ZNF627: variants seen among roughly 807,000 people sequenced by gnomAD.
The protein encoded by ZNF627 is zinc finger protein 627.
Under a neutral mutation model 10.6 loss-of-function variants are expected in ZNF627, and 12 were observed. That is an observed-to-expected ratio of 1.13 (90% CI 0.73 to 1.84). The LOEUF is 1.84. Among genes scored for constraint, ZNF627 ranks in the 40% most tolerant of loss-of-function variants. The probability of loss-of-function intolerance (pLI) is 0.00; values close to 1 mark genes in which losing one functional copy is unlikely to be tolerated. For synonymous variants in ZNF627, 176 were observed against 187.1 expected, an observed-to-expected ratio of 0.94 and a Z score of 0.48; for missense variants, 504 against 568.4, an observed-to-expected ratio of 0.89 and a Z score of 1.15.
In ZNF627 at chr19:11,618,133, A is replaced by G. The variant is rs1012962466; in HGVS notation, c.*244A>G. 4 of 430,890 alleles carry G rather than the reference A, an allele frequency of 9.3e-6. No individual in the cohort carries two copies. Among genetic ancestry groups the G allele is most frequent in the Middle Eastern group, 6.0e-4 (1 of 1,670 alleles). 26.7% of individuals were successfully genotyped at this position (430,890 alleles called of 1,614,324 possible). On this transcript the variant is annotated 3_prime_UTR_variant, in exon 4 of 4. Coordinates refer to ENST00000361113, the MANE Select transcript of ZNF627 (RefSeq NM_145295.4). ...AACTAGATTTCCCAGAATCCATTCCATTTGTGATTCCATGATACAATTCAC... is the reference window on the plus strand; with the variant it reads ...AACTAGATTTCCCAGAATCCATTCCGTTTGTGATTCCATGATACAATTCAC...
rs745918569 is a variant in ZNF627 at position 11,617,078 on chromosome 19, G to T, written c.575G>T (p.Gly192Val). ...AGACACATGTTAACGCATAGGGGAG[G>T]TGTACCTTACAAATGTAAGGTGTGT... Reference protein sequence around the residue: ...IRRHMLTHRGGVPYKCKVCGK... With the variant: ...IRRHMLTHRGVVPYKCKVCGK... Residue 192 changes from glycine (G) to valine (V), a missense_variant, in exon 4 of 4, where the codon GGT becomes GTT. Coordinates refer to ENST00000361113, the MANE Select transcript of ZNF627 (RefSeq NM_145295.4). The T allele has an allele frequency of 6.2e-6, 10 of 1,613,986 alleles. No homozygotes were observed. Among genetic ancestry groups the T allele is most frequent in the Non-Finnish European group, 8.5e-6 (10 of 1,180,030 alleles).
intron 1 of ZNF627, among the ~76,000 whole-genome samples, chr19:11,606,349 GAAA>G (rs1599656882): frequency 6.6e-6 from 1 of 150,830 alleles, no homozygotes; most frequent in East Asian, 2.0e-4. Context: ...AAAAAAAAAA[GAAA>G]GAAAAAAAGA....
intron 1 of ZNF627, among the ~76,000 whole-genome samples, chr19:11,612,118 CTTTT>C (rs533449447): frequency 1.1e-5 from 1 of 91,724 alleles, no homozygotes; most frequent in Non-Finnish European, 2.1e-5. Flanking sequence ...GGTCCAACTG[CTTTT>C]TTTTTTTTTT....
chr19:11,614,328 C>T (rs878975906), intron 1 of ZNF627, among the ~76,000 whole-genome samples, 199 bp from the exon 2 acceptor site: 1 of 152,192 alleles, frequency 6.6e-6, no homozygotes, highest in Non-Finnish European at 1.5e-5. Context: ...TCCTATTCTG[C>T]TGTTGCTAGT....
chr19:11,601,441 G>A lies in ZNF627; in HGVS notation c.3+3811G>A, dbSNP rs1270997328. 2.6e-5 allele frequency among the ~76,000 whole-genome samples: 4 copies of A among 152,188 alleles called. No individual in the cohort carries two copies. The East Asian group carries it at 5.8e-4, about 22-fold the overall frequency. On this transcript the variant is annotated intron_variant, in intron 1 of 3. Transcript: ENST00000361113. ...TGTAGCCTTGATCTCCTGGGCTCAA[G>A]GAATTCTCTCACATCAGCCTCCCAA...
At position 11,608,721 on chromosome 19, in the gene ZNF627, A is replaced by G. The variant is rs553575668; in HGVS notation, c.4-5806A>G. Among the ~76,000 whole-genome samples the G allele has an allele frequency of 3.3e-5, 5 of 152,226 alleles. No homozygotes were observed. In the South Asian group the frequency reaches 1.0e-3, roughly 32 times the overall value. On this transcript the variant is annotated intron_variant, in intron 1 of 3. Coordinates refer to ENST00000361113, the MANE Select transcript of ZNF627 (RefSeq NM_145295.4). ...TTTTCACTTTTTTTTGGAAAGAGCT[A>G]TGATGCCCAGGCTGGATTTGAACGC...
intron 1 of ZNF627, among the ~76,000 whole-genome samples, chr19:11,611,402 C>G (rs1440960414): frequency 1.3e-5 from 2 of 152,166 alleles, no homozygotes; most frequent in African/African-American, 4.8e-5. Flanking sequence ...GATCCGAGCT[C>G]ACCCCAGTCT....
chr19:11,611,311 G>A (rs1973768410), intron 1 of ZNF627, among the ~76,000 whole-genome samples: 1 of 151,946 alleles, frequency 6.6e-6, no homozygotes, highest in African/African-American at 2.4e-5. Flanking sequence ...TCCCAGTGTT[G>A]ATAGTGTCTT....
At chr19:11,604,229 G>C (rs955504871) in intron 1 of ZNF627, 1 of 152,030 alleles carries the variant, frequency 6.6e-6, no homozygotes, top group African/African-American at 2.4e-5. Flanking sequence ...AACTTGAAAA[G>C]ATAATTCACC....
intron 3 of ZNF627, 42 bp downstream of exon 3, chr19:11,614,929 A>G: frequency 7.2e-7 from 1 of 1,397,030 alleles, no homozygotes; most frequent in Non-Finnish European, 9.8e-7. Flanking sequence ...CCTTGAGAGC[A>G]TTTCGTATTG....
chr19:11,610,416 TTGC>T (rs1289181348), intron 1 of ZNF627, among the ~76,000 whole-genome samples: 4 of 152,086 alleles, frequency 2.6e-5, no homozygotes, highest in Non-Finnish European at 5.9e-5. Context: ...TTTCAAGCAG[TTGC>T]TGCCCTTTTT....
Position 11,617,594 on chromosome 19 carries a change from A to C in ZNF627, c.1091A>C (p.Asp364Ala). Residue 364 changes from aspartate to alanine, a missense_variant, in exon 4 of 4, where the codon GAT becomes GCT. Coordinates refer to ENST00000361113, the MANE Select transcript of ZNF627 (RefSeq NM_145295.4). The part of the protein sequence containing the change: ...ERTHTGEKPY[D>A]CKQCGKAFSC... ...ACCCACACTGGAGAGAAACCCTATG[A>C]TTGTAAGCAATGTGGGAAAGCCTTC... is the stretch of plus-strand genomic sequence containing the variant. 1 of 1,613,896 alleles carries C rather than the reference A, an allele frequency of 6.2e-7. No homozygotes were observed. Among genetic ancestry groups the C allele is most frequent in the Non-Finnish European group, 8.5e-7 (1 of 1,179,946 alleles).
Position 11,616,987 on chromosome 19 carries a change from C to T in ZNF627, c.484C>T (p.Pro162Ser). Residue 162 changes from proline to serine, a missense_variant, in exon 4 of 4, where the codon CCT (proline) becomes TCT (serine). Pro to Ser is a moderately conservative substitution (Grantham distance 74). Transcript: ENST00000361113. ...RSFPVRERTHPGGKPYDCKEC... is the reference protein window; with the variant it reads ...RSFPVRERTHSGGKPYDCKEC... ...TTTTCCAGTACGTGAAAGGACTCATCCTGGAGGAAAGCCCTATGATTGTAA... is the reference window on the plus strand; with the variant it reads ...TTTTCCAGTACGTGAAAGGACTCATTCTGGAGGAAAGCCCTATGATTGTAA... 1 of 1,614,132 alleles carries T rather than the reference C, an allele frequency of 6.2e-7. No individual in the cohort carries two copies.
At position 11,617,811 on chromosome 19, in the gene ZNF627, A is replaced by G; in HGVS notation, c.1308A>G (p.Val436=). The G allele has an allele frequency of 6.2e-7, 1 of 1,609,058 alleles. No homozygotes were observed. The highest frequency in any genetic ancestry group is 8.5e-7 in the Non-Finnish European group (1 of 1,178,468). Residue 436 remains valine, a synonymous_variant, in exon 4 of 4, where the codon GTA becomes GTG. Transcript: ENST00000361113. ...TCAGTCGATCCACTTACTTTCGAGT[A>G]CATGAAAAAATTCATACTGGAGAGA... The part of the protein sequence containing the change: ...KAFSRSTYFR[V]HEKIHTGEKP...
At position 11,597,615 on chromosome 19, in the gene ZNF627, T is replaced by A; in HGVS notation, c.-13T>A. The A allele has an allele frequency of 2.2e-6, 3 of 1,333,652 alleles. No homozygotes were observed. Among genetic ancestry groups the A allele is most frequent in the Non-Finnish European group, 2.9e-6 (3 of 1,035,474 alleles). The allele number at this position is 1,333,652 out of a possible 1,614,324, so 82.6% of individuals were successfully genotyped here. On this transcript the variant is annotated 5_prime_UTR_variant, in exon 1 of 4. Transcript: ENST00000361113. ...GTCGTAGGGAGGACGCCGGGACACCTGGAAGCCGAGAAATGGTGCGTGTGA... is the reference window on the plus strand; with the variant it reads ...GTCGTAGGGAGGACGCCGGGACACCAGGAAGCCGAGAAATGGTGCGTGTGA...
Position 11,617,948 on chromosome 19 carries a change from A to G in ZNF627, c.*59A>G. 7.1e-7 allele frequency: 1 copy of G among 1,403,470 alleles called. No homozygotes were observed. The highest frequency in any genetic ancestry group is 1.5e-5 in the South Asian group (1 of 68,486). 86.9% of individuals were successfully genotyped at this position (1,403,470 alleles called of 1,614,324 possible). On this transcript the variant is annotated 3_prime_UTR_variant, in exon 4 of 4. Transcript: ENST00000361113. ...AAGTAAGAAATTTGGGAAAGCCTTC[A>G]GTCCTTTCTGTTTCTTTCAACTACG... is the stretch of plus-strand genomic sequence containing the variant.
intron 1 of ZNF627, among the ~76,000 whole-genome samples, chr19:11,600,845 G>T (rs1434234446): frequency 6.6e-6 from 1 of 152,128 alleles, no homozygotes; most frequent in Admixed American, 6.6e-5. Context: ...ACCATAGAAA[G>T]AATAAATAAC....
chr19:11,615,399 G>A (rs559248384), intron 3 of ZNF627, among the ~76,000 whole-genome samples: 25 of 149,790 alleles, frequency 1.7e-4, no homozygotes, highest in Admixed American at 1.3e-3. Context: ...AGGAGATCGA[G>A]ACCATCCTGG....
At chr19:11,608,952 A>C (rs1471110) in intron 1 of ZNF627, among the ~76,000 whole-genome samples, 1 of 151,982 alleles carries the variant, frequency 6.6e-6, no homozygotes, top group Non-Finnish European at 1.5e-5. Flanking sequence ...GCTCACTGCA[A>C]TCTCCGCCTT....
Sources: gnomAD v4.1 joint callset for allele counts (sites outside exome capture counted in the v4.1 genomes callset) on GRCh38, gnomAD v4.1.1 for gene constraint, MANE v1.5 for transcripts, NCBI Gene and HGNC (gene_info 2026-07-23, HGNC 2026-07-21) for gene names.